The following NRCAM variants were observed in gnomAD, a reference collection of about 807,000 sequenced individuals.
NRCAM encodes the protein neuronal cell adhesion molecule.
Under a neutral mutation model 156.5 loss-of-function variants are expected in NRCAM, and 83 were observed. The observed-to-expected ratio is 0.53, with a 90% CI of 0.44 to 0.64. The LOEUF is 0.64. Ranked by LOEUF, NRCAM falls within the 30% of genes least tolerant of loss-of-function variation. NRCAM has a pLI of 0.00. For synonymous variants in NRCAM, 538 were observed against 563.9 expected, an observed-to-expected ratio of 0.95 and a Z score of 0.65; for missense variants, 1,417 against 1,597.3, an observed-to-expected ratio of 0.89 and a Z score of 1.92.
At chr7:108,358,382 G>A (rs2099522774) in intron 2 of NRCAM, among the ~76,000 whole-genome samples, 1 of 152,110 alleles carries the variant, frequency 6.6e-6, no homozygotes, top group Non-Finnish European at 1.5e-5. Flanking sequence ...TCTAGCCTGG[G>A]TGGCAGAGCA....
At chr7:108,373,063 A>G (rs112497020) in intron 2 of NRCAM, among the ~76,000 whole-genome samples, 251 of 152,300 alleles carry the variant, frequency 1.6e-3, no homozygotes, top group African/African-American at 5.6e-3. Context: ...ATGAACATTG[A>G]GGACATTATG....
chr7:108,346,632 T>G (rs2099356484), intron 2 of NRCAM, among the ~76,000 whole-genome samples: 1 of 152,200 alleles, frequency 6.6e-6, no homozygotes, highest in African/African-American at 2.4e-5. Context: ...ATGTCACCTC[T>G]TACAGTGATG....
At chr7:108,244,669 A>G (rs2153828862) in intron 3 of NRCAM, among the ~76,000 whole-genome samples, 1 of 152,338 alleles carries the variant, frequency 6.6e-6, no homozygotes, top group East Asian at 1.9e-4. Flanking sequence ...AGAGATGATA[A>G]TGATCAAACA....
At chr7:108,455,012 A>AG (rs1855024486) in intron 1 of NRCAM, among the ~76,000 whole-genome samples, 1 of 151,988 alleles carries the variant, frequency 6.6e-6, no homozygotes, top group African/African-American at 2.4e-5. Context: ...CCCGCGGCGC[A>AG]GGGGCCACCC....
chr7:108,438,734 A>G (rs1430473139), intron 1 of NRCAM, among the ~76,000 whole-genome samples: 1 of 152,168 alleles, frequency 6.6e-6, no homozygotes, highest in East Asian at 1.9e-4. Context: ...ACACAAATGT[A>G]GGAAATCCTG....
intron 28 of NRCAM, among the ~76,000 whole-genome samples, chr7:108,174,150 T>TACAAATAAATATA: frequency 2.0e-5 from 3 of 152,232 alleles, no homozygotes; most frequent in Non-Finnish European, 4.4e-5. Context: ...AGAAGTAAGT[T>TACAAATAAATATA]TACATCGCTC....
chr7:108,230,647 CTAG>C (rs2094197190), intron 8 of NRCAM, among the ~76,000 whole-genome samples: 1 of 152,056 alleles, frequency 6.6e-6, no homozygotes, highest in Admixed American at 6.6e-5. Context: ...GGGGCTAGCA[CTAG>C]TTTTCCCTTT....
At chr7:108,290,710 T>A (rs77170877) in intron 3 of NRCAM, among the ~76,000 whole-genome samples, 1 of 152,302 alleles carries the variant, frequency 6.6e-6, no homozygotes, top group East Asian at 1.9e-4. Context: ...GAAAATGAAC[T>A]GTAATCGTTT....
At chr7:108,289,911 C>A (rs1474422344) in intron 3 of NRCAM, among the ~76,000 whole-genome samples, 1 of 152,076 alleles carries the variant, frequency 6.6e-6, no homozygotes, top group Non-Finnish European at 1.5e-5. Context: ...TTCTGATGCA[C>A]ACTAAGGTTT....
At chr7:108,205,916 T>C (rs2080908550) in intron 13 of NRCAM, among the ~76,000 whole-genome samples, 1 of 152,194 alleles carries the variant, frequency 6.6e-6, no homozygotes, top group Admixed American at 6.5e-5. Context: ...TTTCTTCTAC[T>C]TTTTCCTCTC....
intron 1 of NRCAM, among the ~76,000 whole-genome samples, chr7:108,427,727 C>T (rs1819168222): frequency 6.6e-6 from 1 of 152,182 alleles, no homozygotes; most frequent in African/African-American, 2.4e-5. Flanking sequence ...ACCATTAATA[C>T]AAAAATCTTG....
intron 3 of NRCAM, among the ~76,000 whole-genome samples, chr7:108,290,015 A>G (rs1435436764): frequency 6.6e-6 from 1 of 152,170 alleles, no homozygotes; most frequent in East Asian, 1.9e-4. Flanking sequence ...CTACTTTTGG[A>G]GCAAGCCTAT....
chr7:108,356,097 T>A (rs2099493991), intron 2 of NRCAM, among the ~76,000 whole-genome samples: 1 of 152,112 alleles, frequency 6.6e-6, no homozygotes, highest in South Asian at 2.1e-4. Flanking sequence ...TACAGGCATG[T>A]ACCACCACAT....
chr7:108,272,325 AT>A (rs1414654521), intron 3 of NRCAM, among the ~76,000 whole-genome samples: 1 of 152,214 alleles, frequency 6.6e-6, no homozygotes, highest in African/African-American at 2.4e-5. Context: ...TCTGCCATTA[AT>A]TTAAGTAAAA....
intron 1 of NRCAM, among the ~76,000 whole-genome samples, chr7:108,440,355 C>A (rs1837180057): frequency 6.6e-6 from 1 of 151,986 alleles, no homozygotes; most frequent in African/African-American, 2.4e-5. Flanking sequence ...ACCATAATTC[C>A]ATTTTTTAAT....
chr7:108,149,065 T>C lies in NRCAM; in HGVS notation c.*845A>G, dbSNP rs1174406647. 4.6e-5 allele frequency: 7 copies of C among 152,664 alleles called. 1 individual carries two copies. Among genetic ancestry groups the C allele is most frequent in the Non-Finnish European group, 1.0e-4 (7 of 68,024 alleles). 9.5% of individuals were successfully genotyped at this position (152,664 alleles called of 1,614,324 possible). A position where few individuals can be genotyped will look rare whatever the true frequency, so the allele number is the denominator to read the frequency against. On this transcript the variant is annotated 3_prime_UTR_variant, in exon 33 of 33. Transcript: ENST00000379028. ...ATGCACGATGTTGTGGAATGCTTAA[T>C]ATCTGAAGGCACTGTATGTGTCTTG...
At chr7:108,243,768 G>A (rs1255581275) in intron 3 of NRCAM, among the ~76,000 whole-genome samples, 2 of 152,090 alleles carry the variant, frequency 1.3e-5, no homozygotes, top group South Asian at 2.1e-4. Flanking sequence ...AAAGAGCAAA[G>A]CCTTTTCATA....
chr7:108,168,339 A>G lies in NRCAM; in HGVS notation c.3251T>C (p.Ile1084Thr). ...TAAAAETYANISWEYEGPEHV... is the reference protein window; with the variant it reads ...TAAAAETYANTSWEYEGPEHV... ...CTCTGGTCCCTCATATTCCCAACTG[A>G]TATTGGCATAGGTCTCAGCAGCTGC... The change falls in exon 29 of 33, where the codon ATC becomes ACC. Residue 1084 changes from isoleucine (I) to threonine (T), a missense_variant. Coordinates refer to ENST00000379028, the MANE Select transcript of NRCAM (RefSeq NM_001037132.4). 1.9e-6 allele frequency: 3 copies of G among 1,610,600 alleles called. No homozygotes were observed. Among genetic ancestry groups the G allele is most frequent in the Non-Finnish European group, 2.5e-6 (3 of 1,178,456 alleles).
At chr7:108,235,471 A>T (rs866653263) in intron 5 of NRCAM, among the ~76,000 whole-genome samples, 5 of 152,184 alleles carry the variant, frequency 3.3e-5, no homozygotes, top group African/African-American at 1.2e-4. Flanking sequence ...AATTAGTGTT[A>T]TGACAGGAAG....
Sources: allele counts gnomAD v4.1 joint callset (sites outside exome capture counted in the v4.1 genomes callset), GRCh38; gene constraint gnomAD v4.1.1; transcripts MANE v1.5; gene names NCBI Gene and HGNC (gene_info 2026-07-23, HGNC 2026-07-21).